The following SAFB variants were observed in gnomAD, a reference collection of about 807,000 sequenced individuals.
SAFB encodes the protein scaffold attachment factor B1.
SAFB carries 15 observed loss-of-function variants against 101.6 expected under a neutral mutation model. That is an observed-to-expected ratio of 0.15 (90% CI 0.10 to 0.23). The LOEUF (loss-of-function observed/expected upper bound fraction) is 0.23. Among genes scored for constraint, SAFB ranks in the 10% least tolerant of loss-of-function variants. The probability of loss-of-function intolerance (pLI) is 1.00; values close to 1 mark genes in which losing one functional copy is unlikely to be tolerated. For synonymous variants in SAFB, 449 were observed against 407.5 expected (o/e 1.10, Z -1.23); for missense variants, 930 against 1,104.1 (o/e 0.84, Z 2.23).
At chr19:5,643,208 A>G (rs2145433695) in intron 4 of SAFB, among the ~76,000 whole-genome samples, 2 of 152,236 alleles carry the variant, frequency 1.3e-5, no homozygotes, top group Middle Eastern at 3.4e-3. Context: ...CAGACAGAAA[A>G]AGTGATGCAT....
At chr19:5,632,049 G>A (rs989122769) in intron 2 of SAFB, among the ~76,000 whole-genome samples, 10 of 151,958 alleles carry the variant, frequency 6.6e-5, no homozygotes, top group Admixed American at 2.0e-4. Context: ...ACTCTGTCTC[G>A]AAAAAATAAA....
chr19:5,638,877 G>T (rs988815368), intron 2 of SAFB, among the ~76,000 whole-genome samples: 1 of 151,658 alleles, frequency 6.6e-6, no homozygotes. Flanking sequence ...CTGCCACCAC[G>T]CCTGGCTAAT....
At chr19:5,653,299 C>G in intron 10 of SAFB, 35 bp downstream of exon 10, 1 of 1,614,032 alleles carries the variant, frequency 6.2e-7, no homozygotes, top group Non-Finnish European at 8.5e-7. Flanking sequence ...ATATAGCCCA[C>G]ATTAGGAAAT....
At position 5,665,341 on chromosome 19, in the gene SAFB, A is replaced by G. The variant is rs989982452; in HGVS notation, c.2334+902A>G. The stretch of plus-strand genomic sequence containing the variant: ...ACCAATGGTTCCATGTAAAGGCTCC[A>G]GAATCAGAACTGGCGTCACACCTTG... On this transcript the variant is annotated intron_variant, in intron 17 of 20. Transcript: ENST00000588852. The G allele has an allele frequency of 3.9e-5, 6 of 152,314 alleles. No individual in the cohort carries two copies. In the East Asian group the frequency reaches 1.2e-3, roughly 29 times the overall value. The allele number at this position is 152,314 out of a possible 1,614,324, so 9.4% of individuals were successfully genotyped here.
At chr19:5,650,396 TC>T (rs1186468064) in intron 8 of SAFB, among the ~76,000 whole-genome samples, 1 of 152,076 alleles carries the variant, frequency 6.6e-6, no homozygotes, top group Non-Finnish European at 1.5e-5. Context: ...ACACTGCACT[TC>T]CTCCTGTAAT....
chr19:5,633,534 C>T (rs1226668171), intron 2 of SAFB, among the ~76,000 whole-genome samples: 2 of 152,142 alleles, frequency 1.3e-5, no homozygotes, highest in East Asian at 3.8e-4. Context: ...AATCCCAGCA[C>T]TTTGGGAGGC....
Position 5,664,098 on chromosome 19 carries a change from G to A in SAFB, c.2230G>A (p.Asp744Asn). ...CTACCATTCTGACTTTAACCGCCAG[G>A]ACCGCTTCCACGACTTTGACCACAG... Reference protein sequence around the residue: ...ERYHSDFNRQDRFHDFDHRDR... With the variant: ...ERYHSDFNRQNRFHDFDHRDR... Residue 744 changes from aspartate to asparagine, a missense_variant, in exon 16 of 21, where the codon GAC (aspartate) becomes AAC (asparagine). Around this residue, in one of 7 missense-constraint regions of SAFB, gnomAD observed 318 missense variants for 342.6 expected, o/e 0.93. Transcript: ENST00000588852. The A allele has an allele frequency of 1.2e-6, 2 of 1,614,062 alleles. No individual in the cohort carries two copies. Among genetic ancestry groups the A allele is most frequent in the Non-Finnish European group, 8.5e-7 (1 of 1,180,040 alleles).
chr19:5,648,663 G>A (rs2053874317), intron 6 of SAFB, among the ~76,000 whole-genome samples: 1 of 152,192 alleles, frequency 6.6e-6, no homozygotes, highest in Non-Finnish European at 1.5e-5. Context: ...ATTCAGTTAA[G>A]CAACTTGGAC....
intron 2 of SAFB, among the ~76,000 whole-genome samples, chr19:5,639,235 G>C (rs1325523357): frequency 2.6e-5 from 4 of 152,148 alleles, no homozygotes; most frequent in Non-Finnish European, 5.9e-5. Flanking sequence ...CAACTATTGG[G>C]AAAATAGTCT....
chr19:5,651,307 G>A (rs759342313), intron 9 of SAFB, among the ~76,000 whole-genome samples: 1 of 152,222 alleles, frequency 6.6e-6, no homozygotes, highest in African/African-American at 2.4e-5. Flanking sequence ...CCCCTTCCCT[G>A]TGATGGCTCG....
At chr19:5,628,582 T>G (rs970613154) in intron 2 of SAFB, among the ~76,000 whole-genome samples, 2 of 152,202 alleles carry the variant, frequency 1.3e-5, no homozygotes, top group Non-Finnish European at 2.9e-5. Context: ...CAGATAGGGT[T>G]GCCCAACCTG....
chr19:5,626,950 G>A (rs1173621591), intron 2 of SAFB, among the ~76,000 whole-genome samples: 1 of 152,102 alleles, frequency 6.6e-6, no homozygotes, highest in Admixed American at 6.5e-5. Context: ...AGGCTGAACC[G>A]GAAGGATTAC....
intron 14 of SAFB, among the ~76,000 whole-genome samples, chr19:5,658,156 C>T (rs2054107130): frequency 6.6e-6 from 1 of 152,048 alleles, no homozygotes; most frequent in Non-Finnish European, 1.5e-5. Flanking sequence ...AGCCACCACA[C>T]CCGGCTCATT....
chr19:5,623,178 A>G lies in SAFB; in HGVS notation c.-28A>G. On this transcript the variant is annotated 5_prime_UTR_variant, in exon 1 of 21. Coordinates refer to ENST00000588852, the MANE Select transcript of SAFB (RefSeq NM_001201338.2). The stretch of plus-strand genomic sequence containing the variant: ...ATAAAACCGGCCCGGTTCTGTGGAA[A>G]GTGGGCGGCGGAGCCAGGGTCCCTG... 2 of 1,557,174 alleles carry G rather than the reference A, an allele frequency of 1.3e-6. No homozygotes were observed. The highest frequency in any genetic ancestry group is 1.7e-6 in the Non-Finnish European group (2 of 1,151,056).
intron 6 of SAFB, among the ~76,000 whole-genome samples, chr19:5,648,676 TG>T (rs1168877968): frequency 6.6e-6 from 1 of 152,242 alleles, no homozygotes; most frequent in African/African-American, 2.4e-5. Context: ...ACTTGGACTT[TG>T]GAAGCTAAAT....
chr19:5,658,478 A>G (rs944960578), intron 14 of SAFB, among the ~76,000 whole-genome samples: 7 of 152,168 alleles, frequency 4.6e-5, no homozygotes, highest in African/African-American at 7.2e-5. Flanking sequence ...GGATCACCTG[A>G]GGTCAGGAGT....
rs932244014 is a variant in SAFB at position 5,658,063 on chromosome 19, T to G, written c.1862+716T>G. On this transcript the variant is annotated intron_variant, in intron 14 of 20. Coordinates refer to ENST00000588852, the MANE Select transcript of SAFB (RefSeq NM_001201338.2). ...CCCAGGGTGGAGTGCAGTGGCATGA[T>G]CTCAGCTCACCGCAGCCTCCACCTC... Among the ~76,000 whole-genome samples, 9 of 151,988 alleles carry G rather than the reference T, an allele frequency of 5.9e-5. No individual in the cohort carries two copies. In the East Asian group the frequency reaches 1.8e-3, roughly 30 times the overall value.
At chr19:5,656,560 G>A (rs962913895) in intron 13 of SAFB, among the ~76,000 whole-genome samples, 3 of 149,336 alleles carry the variant, frequency 2.0e-5, no homozygotes, top group African/African-American at 7.4e-5. Context: ...ATAGGCGTGA[G>A]CCACTGCGCC....
Position 5,668,352 on chromosome 19 carries a change from T to C in SAFB, c.*61T>C. ...AGGCTATGTTCTGTTAGGAGTTACC[T>C]TAAACTGTGTAAAAATATTTTTTTT... is the stretch of plus-strand genomic sequence containing the variant. On this transcript the variant is annotated 3_prime_UTR_variant, in exon 21 of 21. Transcript: ENST00000588852. 6.5e-7 allele frequency: 1 copy of C among 1,533,266 alleles called. No individual in the cohort carries two copies. Among genetic ancestry groups the C allele is most frequent in the Non-Finnish European group, 8.7e-7 (1 of 1,147,818 alleles). The allele number at this position is 1,533,266 out of a possible 1,614,324, so 95.0% of individuals were successfully genotyped here.
Sources: allele counts gnomAD v4.1 joint callset (sites outside exome capture counted in the v4.1 genomes callset), GRCh38; gene constraint gnomAD v4.1.1; regional missense constraint gnomAD v4.1.1; transcripts MANE v1.5; gene names NCBI Gene and HGNC (gene_info 2026-07-23, HGNC 2026-07-21).